SPAG16: variants seen among roughly 807,000 people sequenced by gnomAD.
SPAG16 encodes the protein sperm-associated antigen 16 protein.
In SPAG16, 86 loss-of-function variants were observed where a neutral mutation model predicts 80.4. The observed-to-expected ratio is 1.07, with a 90% CI of 0.90 to 1.28. The LOEUF is 1.28. SPAG16 is among the 50% of genes most tolerant of loss of function. SPAG16 has a pLI of 0.00. For missense variants in SPAG16, 870 were observed against 765.3 expected, an observed-to-expected ratio of 1.14 and a Z score of -1.61; for synonymous variants, 294 against 265.9, an observed-to-expected ratio of 1.11 and a Z score of -1.03.
At chr2:213,561,510 T>TA in intron 10 of SPAG16, among the ~76,000 whole-genome samples, 1 of 152,182 alleles carries the variant, frequency 6.6e-6, no homozygotes. Flanking sequence ...TGTATGCCTG[T>TA]ACCAAAATAT....
At chr2:214,013,892 A>T in intron 12 of SPAG16, 59 bp from the exon 13 acceptor site, 4 of 1,475,502 alleles carry the variant, frequency 2.7e-6, no homozygotes. Flanking sequence ...TATTTTTATT[A>T]GCATTGTATA....
intron 9 of SPAG16, among the ~76,000 whole-genome samples, chr2:213,461,500 G>T (rs2072359320): frequency 6.6e-6 from 1 of 152,150 alleles, no homozygotes; most frequent in Non-Finnish European, 1.5e-5. Context: ...TTGTTAAGCA[G>T]GGAGACATAT....
chr2:213,432,050 T>A (rs1370830054), intron 9 of SPAG16, among the ~76,000 whole-genome samples: 1 of 152,024 alleles, frequency 6.6e-6, no homozygotes, highest in East Asian at 1.9e-4. Context: ...AATGAAGGAA[T>A]ATGAAAACAC....
intron 8 of SPAG16, among the ~76,000 whole-genome samples, chr2:213,370,750 G>T (rs1164794146): frequency 2.0e-5 from 3 of 152,050 alleles, no homozygotes; most frequent in Non-Finnish European, 4.4e-5. Flanking sequence ...ATTATCTCCT[G>T]GTGTTTAGTC....
chr2:214,138,530 C>T (rs1038389349), intron 14 of SPAG16, among the ~76,000 whole-genome samples: 13 of 152,072 alleles, frequency 8.5e-5, no homozygotes, highest in African/African-American at 1.7e-4. Flanking sequence ...ACCAATTTGG[C>T]ATATTTGAGG....
At chr2:213,871,421 T>A (rs2105986895) in intron 11 of SPAG16, among the ~76,000 whole-genome samples, 1 of 152,172 alleles carries the variant, frequency 6.6e-6, no homozygotes, top group South Asian at 2.1e-4. Context: ...TGAACTCTTT[T>A]ATGTTTTAAC....
rs144207448 is a variant in SPAG16, at chr2:213,522,085, A to G, written c.1070+31995A>G. 2.0e-3 allele frequency among the ~76,000 whole-genome samples: 298 copies of G among 152,364 alleles called. 1 individual carries two copies. The highest frequency in any genetic ancestry group is 7.1e-3 in the African/African-American group (294 of 41,588). ...CAATATAAAGAGGTTCTAAAGATCTATAGCATTGCTATCTTTTTCCTGTGG... is the reference window on the plus strand; with the variant it reads ...CAATATAAAGAGGTTCTAAAGATCTGTAGCATTGCTATCTTTTTCCTGTGG... On this transcript the variant is annotated intron_variant, in intron 10 of 15. Transcript: ENST00000331683.
chr2:214,362,575 A>G (rs1045228155), intron 15 of SPAG16, among the ~76,000 whole-genome samples: 3 of 151,902 alleles, frequency 2.0e-5, no homozygotes, highest in African/African-American at 7.2e-5. Context: ...CTCATAGCCT[A>G]ATATCTTGCC....
At chr2:213,720,987 C>T (rs1212337957) in intron 10 of SPAG16, among the ~76,000 whole-genome samples, 1 of 152,016 alleles carries the variant, frequency 6.6e-6, no homozygotes, top group Non-Finnish European at 1.5e-5. Context: ...TTCTTGACCT[C>T]GTGATCCGCC....
At chr2:213,540,028 A>AGTTTTT (rs1559234806) in intron 10 of SPAG16, among the ~76,000 whole-genome samples, 36 of 130,514 alleles carry the variant, frequency 2.8e-4, no homozygotes, top group Middle Eastern at 4.5e-3. Context: ...TATATTTCTT[A>AGTTTTT]ATTTTTTTTT....
chr2:214,012,288 A>ATATATTTTTT (rs1553694500), intron 12 of SPAG16, among the ~76,000 whole-genome samples: 1 of 46,818 alleles, frequency 2.1e-5, no homozygotes, highest in Non-Finnish European at 3.3e-5. Context: ...ATATATATAT[A>ATATATTTTTT]TTTTTTTTTT....
At chr2:214,052,300 A>T (rs140984463) in intron 13 of SPAG16, among the ~76,000 whole-genome samples, 3 of 152,346 alleles carry the variant, frequency 2.0e-5, no homozygotes, top group African/African-American at 4.8e-5. Flanking sequence ...TTCAGCTATC[A>T]GGCGACCTTC....
chr2:213,702,438 C>T (rs769114992), intron 10 of SPAG16, among the ~76,000 whole-genome samples: 50 of 152,282 alleles, frequency 3.3e-4, no homozygotes, highest in Non-Finnish European at 5.4e-4. Context: ...AGGTCTGCAC[C>T]TTCACTTCTG....
At chr2:213,822,662 G>A (rs186966345) in intron 10 of SPAG16, among the ~76,000 whole-genome samples, 8 of 152,002 alleles carry the variant, frequency 5.3e-5, no homozygotes, top group Admixed American at 2.0e-4. Flanking sequence ...GGTTTGTTAC[G>A]TAAGTACACG....
chr2:213,399,992 A>T (rs1271193362), intron 9 of SPAG16, among the ~76,000 whole-genome samples: 1 of 151,836 alleles, frequency 6.6e-6, no homozygotes, highest in Non-Finnish European at 1.5e-5. Context: ...TATTCTCTTT[A>T]ATTTGTGAAT....
At chr2:213,991,839 G>T (rs918642647) in intron 12 of SPAG16, among the ~76,000 whole-genome samples, 1 of 149,748 alleles carries the variant, frequency 6.7e-6, no homozygotes, top group East Asian at 2.0e-4. Flanking sequence ...ACTCTCAAGG[G>T]GACATTTTGA....
intron 10 of SPAG16, among the ~76,000 whole-genome samples, chr2:213,613,548 C>G (rs796554094): frequency 3.9e-5 from 6 of 152,296 alleles, no homozygotes; most frequent in African/African-American, 1.4e-4. Context: ...TTTTTCCTCA[C>G]CTGCTTAAGT....
At chr2:214,270,449 G>A (rs759120757) in intron 15 of SPAG16, among the ~76,000 whole-genome samples, 2 of 151,948 alleles carry the variant, frequency 1.3e-5, no homozygotes, top group Non-Finnish European at 2.9e-5. Flanking sequence ...GTTTTTCTTC[G>A]GGATACCAAT....
At chr2:214,145,301 A>G (rs1208216121) in intron 14 of SPAG16, among the ~76,000 whole-genome samples, 1 of 152,086 alleles carries the variant, frequency 6.6e-6, no homozygotes, top group East Asian at 1.9e-4. Flanking sequence ...TTCTGAACCC[A>G]CCACAGCCCA....
Sources: gnomAD v4.1 joint callset for allele counts (sites outside exome capture counted in the v4.1 genomes callset) on GRCh38, gnomAD v4.1.1 for gene constraint, MANE v1.5 for transcripts, NCBI Gene and HGNC (gene_info 2026-07-23, HGNC 2026-07-21) for gene names.